The following PITPNM2 variants were observed in gnomAD, a reference collection of about 807,000 sequenced individuals.
PITPNM2 encodes the protein phosphatidylinositol transfer protein membrane associated 2, also known as membrane-associated phosphatidylinositol transfer protein 2.
Under a neutral mutation model 132.2 loss-of-function variants are expected in PITPNM2, and 35 were observed. The observed-to-expected ratio is 0.26, with a 90% CI of 0.20 to 0.35. PITPNM2 has a LOEUF of 0.35. Among genes scored for constraint, PITPNM2 ranks in the 10% least tolerant of loss-of-function variants. The probability of loss-of-function intolerance (pLI) is 1.00; values close to 1 mark genes in which losing one functional copy is unlikely to be tolerated. For missense variants in PITPNM2, 1,332 were observed against 1,912.0 expected, an observed-to-expected ratio of 0.70 and a Z score of 5.66; for synonymous variants, 738 against 799.2, an observed-to-expected ratio of 0.92 and a Z score of 1.29.
intron 11 of PITPNM2, 115 bp downstream of exon 11, chr12:122,997,210 G>A (rs920314539): frequency 3.7e-5 from 55 of 1,472,988 alleles, no homozygotes; most frequent in South Asian, 3.6e-4. Flanking sequence ...GGGGCTGGCC[G>A]GTGGGTCTGG....
rs1474379638 is a variant in PITPNM2, at chr12:123,078,790, C to T, written c.-96+31595G>A. 6.6e-6 allele frequency among the ~76,000 whole-genome samples: 1 copy of T among 152,218 alleles called. No homozygotes were observed. Among genetic ancestry groups the T allele is most frequent in the Admixed American group, 6.5e-5 (1 of 15,288 alleles). ...CTCCCAGGCTCCCCACGCTGGGTGGCATCTCCCATCACGCCTGTGCCAGCC... is the reference window on the plus strand; with the variant it reads ...CTCCCAGGCTCCCCACGCTGGGTGGTATCTCCCATCACGCCTGTGCCAGCC... On this transcript the variant is annotated intron_variant, in intron 2 of 25. Coordinates refer to ENST00000320201, the MANE Select transcript of PITPNM2 (RefSeq NM_020845.3). The surrounding 1 kb of genome is among the most constrained non-coding windows in gnomAD (Gnocchi z 7.3).
At chr12:123,016,481 A>G (rs1592945483) in intron 3 of PITPNM2, among the ~76,000 whole-genome samples, 1 of 151,764 alleles carries the variant, frequency 6.6e-6, no homozygotes, top group Non-Finnish European at 1.5e-5. Context: ...ACATCCAGCT[A>G]ATTTTTTGTA....
intron 1 of PITPNM2, among the ~76,000 whole-genome samples, chr12:123,145,617 C>G (rs1230953322): frequency 6.6e-6 from 1 of 152,184 alleles, no homozygotes; most frequent in Non-Finnish European, 1.5e-5. Flanking sequence ...TCCATGCTCT[C>G]TCTCCAAGGT....
intron 2 of PITPNM2, among the ~76,000 whole-genome samples, chr12:123,102,194 G>C (rs1265362821): frequency 6.6e-6 from 1 of 152,186 alleles, no homozygotes; most frequent in African/African-American, 2.4e-5. Flanking sequence ...GGAGAAGGCT[G>C]GGGAGAGGAA....
chr12:123,098,926 C>T (rs958490838), intron 2 of PITPNM2, among the ~76,000 whole-genome samples: 6 of 152,134 alleles, frequency 3.9e-5, no homozygotes, highest in Non-Finnish European at 8.8e-5. Context: ...CATTCTGGTC[C>T]GTCTGCCTTT....
In PITPNM2 at chr12:122,997,209, C is replaced by T. The variant is rs1328997145; in HGVS notation, c.1472+116G>A. Reference sequence around the variant, plus strand: ...GCACCTCCAGGTAGAAGGGGCTGGCCGGTGGGTCTGGACATCGGGGCAGGA... The same window carrying T: ...GCACCTCCAGGTAGAAGGGGCTGGCTGGTGGGTCTGGACATCGGGGCAGGA... On this transcript the variant is annotated intron_variant, in intron 11 of 25. Transcript: ENST00000320201. 1.3e-5 allele frequency: 19 copies of T among 1,471,878 alleles called. 1 individual carries two copies. The highest frequency in any genetic ancestry group is 2.3e-5 in the East Asian group (1 of 43,324). 91.2% of individuals were successfully genotyped at this position (1,471,878 alleles called of 1,614,324 possible).
At chr12:123,133,813 C>G (rs1325077741) in intron 1 of PITPNM2, among the ~76,000 whole-genome samples, 1 of 109,954 alleles carries the variant, frequency 9.1e-6, no homozygotes, top group Middle Eastern at 3.8e-3. Flanking sequence ...CACACACACA[C>G]AGACACACAC....
At position 122,985,890 on chromosome 12, in the gene PITPNM2, T is replaced by C; in HGVS notation, c.*137A>G. On this transcript the variant is annotated 3_prime_UTR_variant, in exon 26 of 26. Transcript: ENST00000320201. ...AGGCAGGGCAGGGAGCACTGTGTGG[T>C]GCGGCCCGTGTCCTCCACAAGGCCC... 1.2e-6 allele frequency: 1 copy of C among 803,626 alleles called. No individual in the cohort carries two copies. Among genetic ancestry groups the C allele is most frequent in the East Asian group, 3.5e-5 (1 of 28,902 alleles). 49.8% of individuals were successfully genotyped at this position (803,626 alleles called of 1,614,324 possible).
intron 2 of PITPNM2, among the ~76,000 whole-genome samples, chr12:123,041,231 G>A (rs905210772): frequency 6.6e-6 from 1 of 152,188 alleles, no homozygotes; most frequent in African/African-American, 2.4e-5. Flanking sequence ...GCTCAGCCCT[G>A]TTCCAACCAG....
At chr12:123,011,946 C>T (rs941166636) in intron 5 of PITPNM2, among the ~76,000 whole-genome samples, 1 of 152,188 alleles carries the variant, frequency 6.6e-6, no homozygotes, top group African/African-American at 2.4e-5. Flanking sequence ...GGGCCTGGAG[C>T]AGCTCCTGGG....
chr12:122,992,350 C>T lies in PITPNM2; in HGVS notation c.2404+149G>A. Reference sequence around the variant, plus strand: ...GGGATGCACCACCCCCACCCCCCACCCCCAACAGCTGTCCACCTCCAAGAG... The same window carrying T: ...GGGATGCACCACCCCCACCCCCCACTCCCAACAGCTGTCCACCTCCAAGAG... On this transcript the variant is annotated intron_variant, in intron 16 of 25. Coordinates refer to ENST00000320201, the MANE Select transcript of PITPNM2 (RefSeq NM_020845.3). The surrounding 1 kb of genome is among the most constrained non-coding windows in gnomAD (Gnocchi z 6.5). The T allele has an allele frequency of 5.1e-6, 2 of 391,704 alleles. No individual in the cohort carries two copies. The highest frequency in any genetic ancestry group is 9.2e-6 in the Non-Finnish European group (2 of 216,364). 24.3% of individuals were successfully genotyped at this position (391,704 alleles called of 1,614,324 possible).
chr12:123,085,105 T>C (rs1453467731), intron 2 of PITPNM2, among the ~76,000 whole-genome samples: 2 of 152,230 alleles, frequency 1.3e-5, no homozygotes, highest in Non-Finnish European at 2.9e-5. Flanking sequence ...AACCTAGAGT[T>C]GTGGCATGCA....
At chr12:123,067,504 A>G (rs1318499487) in intron 2 of PITPNM2, among the ~76,000 whole-genome samples, 1 of 151,320 alleles carries the variant, frequency 6.6e-6, no homozygotes, top group Non-Finnish European at 1.5e-5. Flanking sequence ...CACACGCAAA[A>G]GAAGAAGAGG....
In PITPNM2 at chr12:123,077,942, G is replaced by T. The variant is rs1475559734; in HGVS notation, c.-96+32443C>A. Among the ~76,000 whole-genome samples the T allele has an allele frequency of 6.6e-6, 1 of 152,114 alleles. No homozygotes were observed. Among genetic ancestry groups the T allele is most frequent in the Non-Finnish European group, 1.5e-5 (1 of 68,006 alleles). Reference sequence around the variant, plus strand: ...CTCCCCATGCTGCCGGCCTCAGGGGGCCGCCCCCAGCACGCAGCTCTCCCA... The same window carrying T: ...CTCCCCATGCTGCCGGCCTCAGGGGTCCGCCCCCAGCACGCAGCTCTCCCA... On this transcript the variant is annotated intron_variant, in intron 2 of 25. Transcript: ENST00000320201. The surrounding 1 kb of genome is among the most constrained non-coding windows in gnomAD (Gnocchi z 4.8).
rs1262968779 is a variant in PITPNM2, at chr12:122,994,821, G to A, written c.2213C>T (p.Thr738Ile). The A allele has an allele frequency of 6.2e-7, 1 of 1,610,824 alleles. No individual in the cohort carries two copies. The highest frequency in any genetic ancestry group is 8.5e-7 in the Non-Finnish European group (1 of 1,179,808). The change falls in exon 15 of 26, where the codon ACT (threonine) becomes ATT (isoleucine). Residue 738 changes from threonine (T) to isoleucine (I), a missense_variant. Physicochemically the swap from Thr to Ile is moderately conservative, Grantham distance 89. Transcript: ENST00000320201. This position sits in a 1 kb window ranked among gnomAD's most constrained non-coding sequence, Gnocchi z 5.4. ...CTCACCATCCAGGGCTGGGATGACAGTCTTCCTCAAGGCCAGGACCAGCCC... is the reference window on the plus strand; with the variant it reads ...CTCACCATCCAGGGCTGGGATGACAATCTTCCTCAAGGCCAGGACCAGCCC... ...PLGLVLALRKTVIPALDVFQL... is the reference protein window; with the variant it reads ...PLGLVLALRKIVIPALDVFQL...
intron 1 of PITPNM2, among the ~76,000 whole-genome samples, chr12:123,148,418 T>C (rs1273016908): frequency 6.6e-6 from 1 of 152,112 alleles, no homozygotes; most frequent in African/African-American, 2.4e-5. Flanking sequence ...TGGCATTTTT[T>C]CCAAAAACAG....
Position 122,996,703 on chromosome 12 carries a change from A to C in PITPNM2, c.1662+18T>G. The C allele has an allele frequency of 6.2e-7, 1 of 1,610,280 alleles. No homozygotes were observed. Among genetic ancestry groups the C allele is most frequent in the Non-Finnish European group, 8.5e-7 (1 of 1,178,890 alleles). On this transcript the variant is annotated intron_variant, in intron 12 of 25. Coordinates refer to ENST00000320201, the MANE Select transcript of PITPNM2 (RefSeq NM_020845.3). ...GGTCTTCCATCCTCCTCCCCTCCCC[A>C]ACTTCCCCGGGACTCACCTGCCCAT... is the stretch of plus-strand genomic sequence containing the variant.
intron 2 of PITPNM2, among the ~76,000 whole-genome samples, chr12:123,050,134 G>T (rs1292500148): frequency 6.6e-6 from 1 of 152,200 alleles, no homozygotes; most frequent in Non-Finnish European, 1.5e-5. Flanking sequence ...AGGACAACTG[G>T]ATGTTGCTGC....
In PITPNM2 at chr12:123,000,903, C is replaced by T. The variant is rs1355876065; in HGVS notation, c.1154-55G>A. On this transcript the variant is annotated intron_variant, in intron 9 of 25. Coordinates refer to ENST00000320201, the MANE Select transcript of PITPNM2 (RefSeq NM_020845.3). The surrounding 1 kb of genome is among the most constrained non-coding windows in gnomAD (Gnocchi z 5.4). ...CTGAGGGGCAGCCCAACCTGGCCGA[C>T]CGGACAGAGGCTGCAACTGTGACGA... 6.2e-7 allele frequency: 1 copy of T among 1,602,066 alleles called. No homozygotes were observed. Among genetic ancestry groups the T allele is most frequent in the African/African-American group, 1.3e-5 (1 of 74,662 alleles).
Sources: gnomAD v4.1 joint callset for allele counts (sites outside exome capture counted in the v4.1 genomes callset) on GRCh38, gnomAD v4.1.1 for gene constraint, Gnocchi (gnomAD v3.1) non-coding constraint, MANE v1.5 for transcripts, NCBI Gene and HGNC (gene_info 2026-07-23, HGNC 2026-07-21) for gene names.